The following NRXN1 variants were observed in gnomAD, a reference collection of about 807,000 sequenced individuals.
The protein encoded by NRXN1 is neurexin-1.
In NRXN1, 39 loss-of-function variants were observed where a neutral mutation model predicts 150.9. That is an observed-to-expected ratio of 0.26 (90% CI 0.20 to 0.34). The LOEUF is 0.34. Ranked by LOEUF, NRXN1 falls within the 10% of genes least tolerant of loss-of-function variation. The pLI, the probability that NRXN1 is intolerant of heterozygous loss-of-function variation, is 1.00. For synonymous variants in NRXN1, 924 were observed against 757.0 expected, an observed-to-expected ratio of 1.22 and a Z score of -3.62; for missense variants, 1,815 against 1,949.9, an observed-to-expected ratio of 0.93 and a Z score of 1.30.
intron 8 of NRXN1, among the ~76,000 whole-genome samples, chr2:50,564,820 T>G (rs1669615994): frequency 1.3e-5 from 2 of 152,206 alleles, no homozygotes; most frequent in Admixed American, 6.5e-5. Context: ...TTTAATTATT[T>G]CTTTGGAAAG....
At chr2:50,456,002 T>C (rs1009641204) in intron 17 of NRXN1, among the ~76,000 whole-genome samples, 1 of 152,152 alleles carries the variant, frequency 6.6e-6, no homozygotes, top group African/African-American at 2.4e-5. Flanking sequence ...ATATACACTG[T>C]ACCACTGGAG....
chr2:50,393,290 C>T (rs887413684), intron 17 of NRXN1, among the ~76,000 whole-genome samples: 1 of 152,014 alleles, frequency 6.6e-6, no homozygotes, highest in African/African-American at 2.4e-5. Context: ...GCCATTTATT[C>T]TCAGAACTCA....
At chr2:49,943,668 G>A (rs1672402004) in intron 22 of NRXN1, 36 bp downstream of exon 22, 6 of 1,415,924 alleles carry the variant, frequency 4.2e-6, no homozygotes, top group Non-Finnish European at 5.0e-6. Flanking sequence ...AAGATTTACA[G>A]TAAAGCCAAG....
intron 8 of NRXN1, among the ~76,000 whole-genome samples, chr2:50,606,947 A>C (rs1559009966): frequency 1.3e-5 from 2 of 151,834 alleles, no homozygotes; most frequent in Non-Finnish European, 2.9e-5. Context: ...GTTTATTAAG[A>C]CTGCAAATGA....
chr2:50,121,858 T>A (rs1490522356), intron 18 of NRXN1, among the ~76,000 whole-genome samples: 2 of 152,200 alleles, frequency 1.3e-5, no homozygotes, highest in Admixed American at 6.5e-5. Flanking sequence ...TTCCTCAAGA[T>A]GACTAGAGGT....
At chr2:50,449,009 C>T (rs1324609678) in intron 17 of NRXN1, among the ~76,000 whole-genome samples, 1 of 152,138 alleles carries the variant, frequency 6.6e-6, no homozygotes, top group South Asian at 2.1e-4. Context: ...TGGCCCAGAA[C>T]GAAGCAGAGT....
At chr2:50,577,480 A>G (rs188270827) in intron 8 of NRXN1, among the ~76,000 whole-genome samples, 1 of 152,030 alleles carries the variant, frequency 6.6e-6, no homozygotes, top group Admixed American at 6.6e-5. Flanking sequence ...TTTAGTTCCT[A>G]AGATCACATT....
intron 17 of NRXN1, among the ~76,000 whole-genome samples, chr2:50,447,737 T>TTATA (rs70948710): frequency 0.041 from 1,499 of 36,956 alleles, 77 homozygotes; most frequent in South Asian, 0.055. Context: ...CAGGGGAACG[T>TTATA]TATATATATA....
intron 17 of NRXN1, among the ~76,000 whole-genome samples, chr2:50,438,286 TG>T (rs2085627418): frequency 6.6e-6 from 1 of 152,204 alleles, no homozygotes; most frequent in Admixed American, 6.5e-5. Context: ...GATTTGCATG[TG>T]GATATACAGC....
intron 5 of NRXN1, among the ~76,000 whole-genome samples, chr2:50,639,214 CTTTCTTTCT>C (rs1345295614): frequency 4.0e-5 from 4 of 100,152 alleles, no homozygotes; most frequent in Non-Finnish European, 8.9e-5. Context: ...TTCTTTCTTT[CTTTCTTTCT>C]TTTTTTTTTT....
chr2:50,320,230 C>T (rs992628366), intron 17 of NRXN1, among the ~76,000 whole-genome samples: 1 of 138,616 alleles, frequency 7.2e-6, no homozygotes, highest in East Asian at 2.2e-4. Context: ...CTTATTTTAT[C>T]AGATAAATAA....
At chr2:49,967,223 A>G (rs1484969836) in intron 21 of NRXN1, among the ~76,000 whole-genome samples, 1 of 152,250 alleles carries the variant, frequency 6.6e-6, no homozygotes, top group African/African-American at 2.4e-5. Context: ...GTTATATGAC[A>G]TATTCACATT....
In NRXN1 at chr2:50,948,238, CTTTTTAA is replaced by C. The variant is rs1462193717; in HGVS notation, c.773-22290_773-22284del. Among the ~76,000 whole-genome samples, 4 of 151,968 alleles carry C rather than the reference CTTTTTAA, an allele frequency of 2.6e-5. No individual in the cohort carries two copies. In the East Asian group the frequency reaches 7.7e-4, roughly 29 times the overall value. ...ATTATTAACATCTGAATATTGACAA[CTTTTTAA>C]TCATCAAACGTCCATTATATATTAT... On this transcript the variant is annotated intron_variant, in intron 2 of 22. Coordinates refer to ENST00000401669, the MANE Select transcript of NRXN1 (RefSeq NM_001330078.2).
chr2:50,826,773 T>G (rs1233636261), intron 5 of NRXN1, among the ~76,000 whole-genome samples: 1 of 152,166 alleles, frequency 6.6e-6, no homozygotes, highest in African/African-American at 2.4e-5. Context: ...AAGTTTGAGA[T>G]AGCTCTTAGA....
chr2:50,170,800 T>C (rs1216652433), intron 18 of NRXN1, among the ~76,000 whole-genome samples: 1 of 149,854 alleles, frequency 6.7e-6, no homozygotes, highest in Admixed American at 6.6e-5. Flanking sequence ...TGTGTATGCA[T>C]CTGTATAGTT....
At position 51,009,821 on chromosome 2, in the gene NRXN1, C is replaced by T. The variant is rs191268521; in HGVS notation, c.772+17681G>A. Among the ~76,000 whole-genome samples, 64 of 151,970 alleles carry T rather than the reference C, an allele frequency of 4.2e-4. 1 individual carries two copies. Among genetic ancestry groups the T allele is most frequent in the African/African-American group, 1.5e-3 (62 of 41,486 alleles). ...TAAAACATTAACACAAATCACTCTGCTGAGGAGAAACGTTACATCTGGTTC... is the reference window on the plus strand; with the variant it reads ...TAAAACATTAACACAAATCACTCTGTTGAGGAGAAACGTTACATCTGGTTC... On this transcript the variant is annotated intron_variant, in intron 2 of 22. Coordinates refer to ENST00000401669, the MANE Select transcript of NRXN1 (RefSeq NM_001330078.2).
intron 13 of NRXN1, among the ~76,000 whole-genome samples, chr2:50,501,044 A>G (rs1354142614): frequency 1.3e-5 from 2 of 152,216 alleles, no homozygotes; most frequent in East Asian, 1.9e-4. Context: ...ACTCAGAGAA[A>G]TGTTATGAAT....
At chr2:50,908,524 T>C (rs1322386686) in intron 5 of NRXN1, among the ~76,000 whole-genome samples, 1 of 151,944 alleles carries the variant, frequency 6.6e-6, no homozygotes, top group Non-Finnish European at 1.5e-5. Context: ...TTAAGAGGTA[T>C]CCTGACAATT....
chr2:50,374,975 A>C (rs2080375216), intron 17 of NRXN1, among the ~76,000 whole-genome samples: 1 of 152,170 alleles, frequency 6.6e-6, no homozygotes, highest in South Asian at 2.1e-4. Flanking sequence ...TCAAGTTACT[A>C]AATGGATCAA....
Sources: gnomAD v4.1 joint callset for allele counts (sites outside exome capture counted in the v4.1 genomes callset) on GRCh38, gnomAD v4.1.1 for gene constraint, MANE v1.5 for transcripts, NCBI Gene and HGNC (gene_info 2026-07-23, HGNC 2026-07-21) for gene names.